The following ARMC2 variants were observed in gnomAD, a reference collection of about 807,000 sequenced individuals.
The protein encoded by ARMC2 is armadillo repeat containing 2.
In ARMC2, 67 loss-of-function variants were observed where a neutral mutation model predicts 90.3. The observed-to-expected ratio is 0.74, with a 90% CI of 0.61 to 0.91. ARMC2 has a LOEUF of 0.91. ARMC2 is among the 40% of genes least tolerant of loss of function. The probability of loss-of-function intolerance (pLI) is 0.00; values close to 1 mark genes in which losing one functional copy is unlikely to be tolerated. For missense variants in ARMC2, 920 were observed against 1,030.9 expected, an observed-to-expected ratio of 0.89 and a Z score of 1.47; for synonymous variants, 393 against 393.0, an observed-to-expected ratio of 1.00 and a Z score of 0.00.
At chr6:108,961,337 G>A (rs531845589) in intron 13 of ARMC2, among the ~76,000 whole-genome samples, 5 of 152,226 alleles carry the variant, frequency 3.3e-5, no homozygotes, top group African/African-American at 1.2e-4. Flanking sequence ...CTGGCTGCGA[G>A]GATTGAGTTG....
At chr6:108,906,226 C>A (rs903521490) in intron 8 of ARMC2, among the ~76,000 whole-genome samples, 6 of 151,680 alleles carry the variant, frequency 4.0e-5, no homozygotes, top group African/African-American at 1.5e-4. Context: ...TAAAGGAGTA[C>A]AAACAAATAT....
At chr6:108,877,218 A>G (rs977969867) in intron 5 of ARMC2, among the ~76,000 whole-genome samples, 17 of 152,220 alleles carry the variant, frequency 1.1e-4, no homozygotes, top group African/African-American at 4.8e-5. Context: ...ATTAAATTCC[A>G]TGGGCCATTT....
the ARMC2 span, among the ~76,000 whole-genome samples, chr6:109,042,531 G>GA: frequency 8.1e-5 from 12 of 148,226 alleles, no homozygotes; most frequent in South Asian, 4.2e-4. Flanking sequence ...GGATTATTGC[G>GA]AAAAAAAAAA....
intron 10 of ARMC2, among the ~76,000 whole-genome samples, chr6:108,926,263 G>A (rs546295954): frequency 3.3e-5 from 5 of 152,266 alleles, no homozygotes; most frequent in African/African-American, 7.2e-5. Context: ...GTACTCTTCC[G>A]TCTCCATGGA....
intron 12 of ARMC2, among the ~76,000 whole-genome samples, chr6:108,943,617 G>A (rs1776605599): frequency 6.6e-6 from 1 of 151,900 alleles, no homozygotes; most frequent in Non-Finnish European, 1.5e-5. Context: ...CCAGGAGTTC[G>A]AGACCAGCCT....
Position 108,931,376 on chromosome 6 carries a change from A to G in ARMC2, c.1496+3143A>G, listed in dbSNP as rs552880782. 5.5e-4 allele frequency among the ~76,000 whole-genome samples: 84 copies of G among 152,048 alleles called. 1 individual carries two copies. Among genetic ancestry groups the G allele is most frequent in the Non-Finnish European group, 9.4e-4 (64 of 68,028 alleles). Reference sequence around the variant, plus strand: ...CTTTGCTATTGTGAGTAGTGCTGCAATGAACATTAGCGTGCATGTATCTTT... The same window carrying G: ...CTTTGCTATTGTGAGTAGTGCTGCAGTGAACATTAGCGTGCATGTATCTTT... On this transcript the variant is annotated intron_variant, in intron 11 of 17. Coordinates refer to ENST00000392644, the MANE Select transcript of ARMC2 (RefSeq NM_032131.6).
At position 108,955,320 on chromosome 6, in the gene ARMC2, G is replaced by A. The variant is rs996009842; in HGVS notation, c.1915+1969G>A. ...GAAGGGCAGAAGCTAGGCATACACA[G>A]CTAAGGGACGGGTGGCAGAGCCCGG... is the stretch of plus-strand genomic sequence containing the variant. On this transcript the variant is annotated intron_variant, in intron 13 of 17. Coordinates refer to ENST00000392644, the MANE Select transcript of ARMC2 (RefSeq NM_032131.6). Among the ~76,000 whole-genome samples the A allele has an allele frequency of 8.5e-5, 13 of 152,308 alleles. No individual in the cohort carries two copies. The South Asian group carries it at 1.9e-3, about 22-fold the overall frequency.
the ARMC2 span, among the ~76,000 whole-genome samples, chr6:109,041,411 C>A: frequency 6.6e-6 from 1 of 152,132 alleles, no homozygotes; most frequent in Non-Finnish European, 1.5e-5. Flanking sequence ...ATCTACCAAA[C>A]ATACTTGTAC....
At chr6:108,986,863 G>GA in the ARMC2 span, 1 of 152,170 alleles carries the variant, frequency 6.6e-6, no homozygotes, top group African/African-American at 2.4e-5. Flanking sequence ...GCTTTTTGAA[G>GA]AAAATCTTTA....
chr6:108,990,960 C>T, the ARMC2 span: 3 of 723,164 alleles, frequency 4.1e-6, no homozygotes, highest in Non-Finnish European at 6.6e-6. Context: ...TTATCCCTAA[C>T]TCCCAGCTTC....
At chr6:108,941,304 C>G (rs1776416566) in intron 12 of ARMC2, among the ~76,000 whole-genome samples, 1 of 152,128 alleles carries the variant, frequency 6.6e-6, no homozygotes. Context: ...CTCATCAGTG[C>G]AACATTTTTA....
chr6:108,904,646 T>A (rs1583062910), intron 8 of ARMC2, among the ~76,000 whole-genome samples: 1 of 144,272 alleles, frequency 6.9e-6, no homozygotes. Context: ...GCAACTAAGT[T>A]AAAAAAAAAA....
chr6:108,925,816 G>A (rs778941485), intron 10 of ARMC2, among the ~76,000 whole-genome samples: 15 of 152,170 alleles, frequency 9.9e-5, no homozygotes, highest in South Asian at 2.1e-4. Flanking sequence ...TTGGAAATAC[G>A]TGAGGTATTG....
chr6:108,953,290 G>C lies in ARMC2; in HGVS notation c.1854G>C (p.Pro618=), dbSNP rs779645318. 3 of 1,611,960 alleles carry C rather than the reference G, an allele frequency of 1.9e-6. No homozygotes were observed. Among genetic ancestry groups the C allele is most frequent in the Admixed American group, 3.3e-5 (2 of 60,022 alleles). The change falls in exon 13 of 18, where the codon CCG becomes CCC. Residue 618 remains proline (P), a synonymous_variant. Transcript: ENST00000392644. Reference sequence around the variant, plus strand: ...TGCTGGCCAACATTGCCATCCACCCGGGCGTGGGCCCGGTGCTGGCCGCCA... The same window carrying C: ...TGCTGGCCAACATTGCCATCCACCCCGGCGTGGGCCCGGTGCTGGCCGCCA... The part of the protein sequence containing the change: ...TRVLANIAIH[P]GVGPVLAANP...
chr6:108,927,393 C>T (rs1263671702), intron 10 of ARMC2, among the ~76,000 whole-genome samples: 2 of 152,196 alleles, frequency 1.3e-5, no homozygotes, highest in African/African-American at 2.4e-5. Context: ...GGTGGTGAGG[C>T]TGAACTGGCT....
At chr6:109,024,946 G>A in the ARMC2 span, among the ~76,000 whole-genome samples, 3 of 152,194 alleles carry the variant, frequency 2.0e-5, no homozygotes, top group Non-Finnish European at 4.4e-5. Context: ...AACTGGCAAA[G>A]TAACAGAAAT....
chr6:109,047,364 C>T, the ARMC2 span, among the ~76,000 whole-genome samples: 2,917 of 130,948 alleles, frequency 0.022, 2 homozygotes, highest in African/African-American at 0.045. Flanking sequence ...GCCCCCTGCC[C>T]GGCCAGCCGC....
chr6:108,952,177 T>G (rs1280553336), intron 12 of ARMC2, among the ~76,000 whole-genome samples: 8 of 152,246 alleles, frequency 5.3e-5, no homozygotes, highest in Admixed American at 5.2e-4. Context: ...TCACCTCCAT[T>G]GACACCCATG....
chr6:108,899,812 A>C lies in ARMC2; in HGVS notation c.847+20A>C. The C allele has an allele frequency of 1.3e-5, 20 of 1,563,076 alleles. No homozygotes were observed. The highest frequency in any genetic ancestry group is 2.2e-5 in the East Asian group (1 of 44,532). ...AAAAGGGTAAAACACAAACAAACAAACAAAAAACCGTTTTTGTTTTTTTTT... is the reference window on the plus strand; with the variant it reads ...AAAAGGGTAAAACACAAACAAACAACCAAAAAACCGTTTTTGTTTTTTTTT... On this transcript the variant is annotated intron_variant, in intron 7 of 17. Coordinates refer to ENST00000392644, the MANE Select transcript of ARMC2 (RefSeq NM_032131.6).
Sources: allele counts gnomAD v4.1 joint callset (sites outside exome capture counted in the v4.1 genomes callset), GRCh38; gene constraint gnomAD v4.1.1; transcripts MANE v1.5; gene names NCBI Gene and HGNC (gene_info 2026-07-23, HGNC 2026-07-21).